Variants in SGCZ observed in about 807,000 individuals in gnomAD.
SGCZ encodes zeta-sarcoglycan.
A neutral mutation model predicts 41.3 loss-of-function variants in SGCZ; 40 were observed. The observed-to-expected ratio is 0.97, with a 90% confidence interval of 0.75 to 1.26. The LOEUF (loss-of-function observed/expected upper bound fraction) is 1.26, where lower values mean the gene tolerates loss of function less well. Among genes scored for constraint, SGCZ ranks in the 50% most tolerant of loss-of-function variants. The probability of loss-of-function intolerance (pLI) is 0.00; values close to 1 mark genes in which losing one functional copy is unlikely to be tolerated. For missense variants in SGCZ, 552 were observed against 369.8 expected (o/e 1.49, Z -4.04); for synonymous variants, 206 against 137.5 (o/e 1.50, Z -3.49).
intron 2 of SGCZ, among the ~76,000 whole-genome samples, chr8:14,378,121 G>T (rs1159218337): frequency 3.3e-5 from 5 of 150,064 alleles, no homozygotes; most frequent in African/African-American, 1.0e-4. Flanking sequence ...TTCCACAATG[G>T]TTGAACTAGT....
intron 3 of SGCZ, among the ~76,000 whole-genome samples, chr8:14,316,440 T>C (rs1801717274): frequency 6.6e-6 from 1 of 152,128 alleles, no homozygotes; most frequent in South Asian, 2.1e-4. Context: ...TCTTGATATC[T>C]ACAAATATGT....
intron 2 of SGCZ, among the ~76,000 whole-genome samples, chr8:14,452,937 T>G: frequency 6.6e-6 from 1 of 151,902 alleles, no homozygotes; most frequent in African/African-American, 2.4e-5. Flanking sequence ...ACCCAGTCTC[T>G]ACCAAAAATA....
In SGCZ at chr8:14,184,910, C is replaced by G. The variant is rs944073820; in HGVS notation, c.425-20208G>C. ...ATTTAGTATCTTATAAAATATAGCA[C>G]CACAACACTTATGATTGGTATAGCA... On this transcript the variant is annotated intron_variant, in intron 4 of 7. Coordinates refer to ENST00000382080, the MANE Select transcript of SGCZ (RefSeq NM_139167.4). Among the ~76,000 whole-genome samples, 10 of 152,166 alleles carry G rather than the reference C, an allele frequency of 6.6e-5. No homozygotes were observed. In the South Asian group the frequency reaches 1.7e-3, roughly 25 times the overall value.
chr8:14,867,017 G>A (rs1585331365), intron 1 of SGCZ, among the ~76,000 whole-genome samples: 1 of 152,098 alleles, frequency 6.6e-6, no homozygotes, highest in Non-Finnish European at 1.5e-5. Context: ...CTGAAATTCT[G>A]TAGGAGCTAA....
At chr8:14,609,334 T>C (rs1418255516) in intron 1 of SGCZ, among the ~76,000 whole-genome samples, 1 of 152,202 alleles carries the variant, frequency 6.6e-6, no homozygotes, top group Non-Finnish European at 1.5e-5. Flanking sequence ...AGTTTCTCTG[T>C]GGAAAATTAC....
At chr8:14,447,046 G>A (rs764276006) in intron 2 of SGCZ, among the ~76,000 whole-genome samples, 17 of 151,992 alleles carry the variant, frequency 1.1e-4, no homozygotes, top group Non-Finnish European at 1.6e-4. Context: ...GCAGTTTTCC[G>A]AGAAATACCA....
chr8:15,002,228 G>A (rs1302502211), intron 1 of SGCZ, among the ~76,000 whole-genome samples: 1 of 147,482 alleles, frequency 6.8e-6, no homozygotes. Context: ...TCAATAATAA[G>A]TCAATACAAA....
At position 14,087,564 on chromosome 8, in the gene SGCZ, A is replaced by T. The variant is rs1460143381; in HGVS notation, c.*2879T>A. Among the ~76,000 whole-genome samples the T allele has an allele frequency of 6.6e-6, 1 of 151,678 alleles. No homozygotes were observed. Among genetic ancestry groups the T allele is most frequent in the Non-Finnish European group, 1.5e-5 (1 of 67,746 alleles). ...CTTAGTCGCATCCATGTAGTACACTATAAAGGACTCATTTTTCTCAGTGTC... is the reference window on the plus strand; with the variant it reads ...CTTAGTCGCATCCATGTAGTACACTTTAAAGGACTCATTTTTCTCAGTGTC... On this transcript the variant is annotated 3_prime_UTR_variant, in exon 8 of 8. Coordinates refer to ENST00000382080, the MANE Select transcript of SGCZ (RefSeq NM_139167.4).
At chr8:14,250,814 G>C (rs1173875627) in intron 3 of SGCZ, among the ~76,000 whole-genome samples, 1 of 152,176 alleles carries the variant, frequency 6.6e-6, no homozygotes, top group East Asian at 1.9e-4. Context: ...GTAGTGCCCT[G>C]ACAACTCTTC....
At chr8:14,626,934 C>T (rs1220936429) in intron 1 of SGCZ, among the ~76,000 whole-genome samples, 1 of 152,134 alleles carries the variant, frequency 6.6e-6, no homozygotes, top group Non-Finnish European at 1.5e-5. Context: ...GCACGATTTA[C>T]TGCTTCAGGA....
At chr8:14,352,904 T>C (rs918210859) in intron 2 of SGCZ, among the ~76,000 whole-genome samples, 10 of 152,104 alleles carry the variant, frequency 6.6e-5, no homozygotes, top group African/African-American at 2.4e-4. Context: ...CCTACCCTAA[T>C]TGATCTCTGC....
chr8:14,987,207 C>G (rs1308319415), intron 1 of SGCZ, among the ~76,000 whole-genome samples: 1 of 151,468 alleles, frequency 6.6e-6, no homozygotes, highest in Non-Finnish European at 1.5e-5. Flanking sequence ...AAAATAGCAC[C>G]AAAAAGTACA....
At chr8:15,202,129 A>G (rs956923198) in intron 1 of SGCZ, among the ~76,000 whole-genome samples, 7 of 152,340 alleles carry the variant, frequency 4.6e-5, no homozygotes, top group African/African-American at 1.4e-4. Context: ...CAATTTCACA[A>G]CCAAGATCCT....
intron 3 of SGCZ, among the ~76,000 whole-genome samples, chr8:14,298,678 A>G (rs2116965282): frequency 6.6e-6 from 1 of 152,130 alleles, no homozygotes; most frequent in African/African-American, 2.4e-5. Context: ...TTCTGAAAGG[A>G]ATTATTGAAG....
chr8:14,750,500 T>C (rs1799465497), intron 1 of SGCZ, among the ~76,000 whole-genome samples: 1 of 152,166 alleles, frequency 6.6e-6, no homozygotes. Context: ...GAGAGAGCTG[T>C]CTTTATGTGT....
At chr8:14,229,743 G>A (rs971838477) in intron 4 of SGCZ, among the ~76,000 whole-genome samples, 2 of 151,814 alleles carry the variant, frequency 1.3e-5, no homozygotes, top group Admixed American at 6.6e-5. Flanking sequence ...TATACCATCT[G>A]CAGTCAATTA....
chr8:14,251,604 A>G (rs1264721530), intron 3 of SGCZ, among the ~76,000 whole-genome samples: 1 of 152,232 alleles, frequency 6.6e-6, no homozygotes, highest in Admixed American at 6.5e-5. Flanking sequence ...AACCAAAGTT[A>G]TAGCAACTAA....
At chr8:14,781,302 G>T (rs1800580012) in intron 1 of SGCZ, among the ~76,000 whole-genome samples, 2 of 152,096 alleles carry the variant, frequency 1.3e-5, no homozygotes, top group South Asian at 4.1e-4. Context: ...CGCCATCTTG[G>T]CTCACTGAAA....
chr8:14,101,239 G>A (rs1802010592), intron 7 of SGCZ, among the ~76,000 whole-genome samples: 1 of 152,198 alleles, frequency 6.6e-6, no homozygotes, highest in East Asian at 1.9e-4. Context: ...ATATAGACCT[G>A]AATAAGTCAG....
Sources: allele counts gnomAD v4.1 joint callset (sites outside exome capture counted in the v4.1 genomes callset), GRCh38; gene constraint gnomAD v4.1.1; transcripts MANE v1.5; gene names NCBI Gene and HGNC (gene_info 2026-07-23, HGNC 2026-07-21).